Variants in HIVEP3 observed in about 807,000 individuals in gnomAD.
HIVEP3 encodes the protein HIVEP zinc finger 3.
A neutral mutation model predicts 152.8 loss-of-function variants in HIVEP3; 49 were observed. The observed-to-expected ratio is 0.32, with a 90% confidence interval of 0.26 to 0.41. The LOEUF (loss-of-function observed/expected upper bound fraction) is 0.41. Among genes scored for constraint, HIVEP3 ranks in the 10% least tolerant of loss-of-function variants. The probability of loss-of-function intolerance (pLI) is 1.00; values close to 1 mark genes in which losing one functional copy is unlikely to be tolerated. For missense variants in HIVEP3, 2,790 were observed against 3,103.3 expected, an observed-to-expected ratio of 0.90 and a Z score of 2.40; for synonymous variants, 1,269 against 1,289.0, an observed-to-expected ratio of 0.98 and a Z score of 0.33.
chr1:41,529,328 C>T (rs892847173), intron 5 of HIVEP3, among the ~76,000 whole-genome samples: 3 of 146,738 alleles, frequency 2.0e-5, no homozygotes, highest in Admixed American at 6.7e-5. Flanking sequence ...CCTCCCCACA[C>T]CCTCACATTC....
rs1303421628 is a variant in HIVEP3 at position 41,873,565 on chromosome 1, T to C, written c.-801+44848A>G. Reference sequence around the variant, plus strand: ...TAATGATACTTTTACATGAGATAACTTCCCAAGACACTAAGCTGAAATTAG... The same window carrying C: ...TAATGATACTTTTACATGAGATAACCTCCCAAGACACTAAGCTGAAATTAG... On this transcript the variant is annotated intron_variant, in intron 1 of 8. Coordinates refer to ENST00000372583, the MANE Select transcript of HIVEP3 (RefSeq NM_024503.5). The surrounding 1 kb of genome is among the most constrained non-coding windows in gnomAD (Gnocchi z 4.2). Among the ~76,000 whole-genome samples the C allele has an allele frequency of 6.6e-6, 1 of 152,248 alleles. No homozygotes were observed. The highest frequency in any genetic ancestry group is 1.5e-5 in the Non-Finnish European group (1 of 68,036).
At chr1:41,696,313 C>A (rs528787621) in intron 2 of HIVEP3, among the ~76,000 whole-genome samples, 1 of 152,254 alleles carries the variant, frequency 6.6e-6, no homozygotes, top group Non-Finnish European at 1.5e-5. Context: ...CACCTGCCCA[C>A]GGGGCGCAGC....
In HIVEP3 at chr1:41,918,212, G is replaced by C. The variant is rs751877282; in HGVS notation, c.-801+201C>G. On this transcript the variant is annotated intron_variant, in intron 1 of 8. Coordinates refer to ENST00000372583, the MANE Select transcript of HIVEP3 (RefSeq NM_024503.5). This position sits in a 1 kb window ranked among gnomAD's most constrained non-coding sequence, Gnocchi z 4.3. ...CCGAGCAGCGCGCTCAGCCCACCGG[G>C]GGCACTGGCCGCCACGCGCAGCCCA... Among the ~76,000 whole-genome samples the C allele has an allele frequency of 4.6e-5, 7 of 152,146 alleles. No individual in the cohort carries two copies. The highest frequency in any genetic ancestry group is 2.6e-4 in the Admixed American group (4 of 15,278).
chr1:42,004,632 A>AAGCAAGTTG (rs1645448071), intron 1 of HIVEP3, among the ~76,000 whole-genome samples: 1 of 152,232 alleles, frequency 6.6e-6, no homozygotes. Flanking sequence ...ATATGTTCCC[A>AAGCAAGTTG]AGCAAGTTGT....
chr1:41,801,747 AAAAT>A (rs1224537089), intron 1 of HIVEP3, among the ~76,000 whole-genome samples: 9 of 151,940 alleles, frequency 5.9e-5, no homozygotes, highest in Admixed American at 2.6e-4. Context: ...CCATCTGAAA[AAAAT>A]AAAATAAGAT....
intron 1 of HIVEP3, among the ~76,000 whole-genome samples, chr1:41,874,628 G>C (rs1040288548): frequency 2.0e-5 from 3 of 152,176 alleles, no homozygotes; most frequent in South Asian, 2.1e-4. Flanking sequence ...CGGGTGAGGA[G>C]GACTGGATTC....
chr1:42,005,720 T>C (rs1000942938), intron 1 of HIVEP3, among the ~76,000 whole-genome samples: 2 of 152,246 alleles, frequency 1.3e-5, no homozygotes, highest in African/African-American at 2.4e-5. Flanking sequence ...GTGAAGATGC[T>C]GCTTGTAGAA....
chr1:41,705,707 A>G (rs1169225960), intron 1 of HIVEP3, among the ~76,000 whole-genome samples: 1 of 152,230 alleles, frequency 6.6e-6, no homozygotes, highest in Non-Finnish European at 1.5e-5. Flanking sequence ...TGCTTTTGAA[A>G]GGCAACTTCA....
intron 1 of HIVEP3, among the ~76,000 whole-genome samples, chr1:41,819,172 G>C (rs747298245): frequency 9.2e-5 from 14 of 152,138 alleles, no homozygotes; most frequent in Admixed American, 2.0e-4. Flanking sequence ...ATGTCTGTGT[G>C]TGTATGTGTG....
chr1:41,768,738 G>T (rs927955809), intron 1 of HIVEP3, among the ~76,000 whole-genome samples: 3 of 152,240 alleles, frequency 2.0e-5, no homozygotes, highest in Admixed American at 2.0e-4. Flanking sequence ...AGGAGTTGCT[G>T]CTTCTGGTCA....
intron 1 of HIVEP3, among the ~76,000 whole-genome samples, chr1:42,029,266 A>T (rs1406003119): frequency 6.6e-6 from 1 of 152,140 alleles, no homozygotes; most frequent in African/African-American, 2.4e-5. Context: ...CATCTTCTCT[A>T]CCAATCCTGG....
intron 1 of HIVEP3, among the ~76,000 whole-genome samples, chr1:41,948,515 G>A (rs1450946333): frequency 7.0e-6 from 1 of 143,144 alleles, no homozygotes; most frequent in Non-Finnish European, 1.5e-5. Context: ...AAATAGAAAG[G>A]AACTGCCAAG....
chr1:41,787,651 G>A (rs140284184), intron 1 of HIVEP3, among the ~76,000 whole-genome samples: 64 of 149,980 alleles, frequency 4.3e-4, no homozygotes, highest in African/African-American at 1.5e-3. Context: ...CTCCCAAATC[G>A]CTGGGACTAC....
chr1:41,866,736 A>C (rs1643982448), intron 1 of HIVEP3, among the ~76,000 whole-genome samples: 1 of 152,194 alleles, frequency 6.6e-6, no homozygotes, highest in Admixed American at 6.5e-5. Flanking sequence ...TCAGGCACTC[A>C]AAGGAGCATG....
intron 1 of HIVEP3, among the ~76,000 whole-genome samples, chr1:41,756,202 G>A (rs548265298): frequency 8.3e-4 from 126 of 152,280 alleles, no homozygotes; most frequent in African/African-American, 2.9e-3. Context: ...TTTAAAAGCC[G>A]ATCTCAAAAG....
At chr1:41,547,604 G>C (rs1001398786) in intron 5 of HIVEP3, among the ~76,000 whole-genome samples, 2 of 152,214 alleles carry the variant, frequency 1.3e-5, no homozygotes, top group African/African-American at 4.8e-5. Flanking sequence ...CACTCTGGAG[G>C]GACCTGGGGA....
At chr1:41,692,849 C>T (rs962347702) in intron 2 of HIVEP3, among the ~76,000 whole-genome samples, 2 of 152,200 alleles carry the variant, frequency 1.3e-5, no homozygotes, top group South Asian at 2.1e-4. Flanking sequence ...ACCAGTAGCT[C>T]CCTATTGATG....
At chr1:41,679,341 C>A (rs2124087064) in intron 2 of HIVEP3, among the ~76,000 whole-genome samples, 1 of 152,342 alleles carries the variant, frequency 6.6e-6, no homozygotes, top group Non-Finnish European at 1.5e-5. Flanking sequence ...CAAGGCAGAG[C>A]CTTGATTTGG....
chr1:41,516,020 C>G (rs1642594324), intron 7 of HIVEP3, among the ~76,000 whole-genome samples: 1 of 152,216 alleles, frequency 6.6e-6, no homozygotes, highest in Non-Finnish European at 1.5e-5. Flanking sequence ...CCTAAAGATC[C>G]TCTTTACTAA....
Sources: allele counts gnomAD v4.1 joint callset (sites outside exome capture counted in the v4.1 genomes callset), GRCh38; gene constraint gnomAD v4.1.1; non-coding constraint Gnocchi (gnomAD v3.1); transcripts MANE v1.5; gene names NCBI Gene and HGNC (gene_info 2026-07-23, HGNC 2026-07-21).